GNAI3: variants seen among roughly 807,000 people sequenced by gnomAD.
GNAI3 encodes the protein guanine nucleotide-binding protein G(i) subunit alpha-3.
Under a neutral mutation model 41.8 loss-of-function variants are expected in GNAI3, and 12 were observed. The observed-to-expected ratio is 0.29, with a 90% CI of 0.18 to 0.47. The LOEUF is 0.47. GNAI3 is among the 20% of genes least tolerant of loss of function. The pLI is 1.00. For missense variants in GNAI3, 360 were observed against 429.6 expected (o/e 0.84, Z 1.43); for synonymous variants, 132 against 146.5 (o/e 0.90, Z 0.71).
At chr1:109,575,534 CTTTTTTTT>C (rs747890363) in intron 3 of GNAI3, among the ~76,000 whole-genome samples, 23 of 52,856 alleles carry the variant, frequency 4.4e-4, no homozygotes, top group Admixed American at 1.3e-3. Context: ...CCTTTCATTT[CTTTTTTTT>C]TTTTTTTTTT....
intron 1 of GNAI3, among the ~76,000 whole-genome samples, chr1:109,550,566 C>T (rs1647956590): frequency 6.6e-6 from 1 of 151,886 alleles, no homozygotes; most frequent in Admixed American, 6.6e-5. Context: ...CGGAGTCTCC[C>T]TCTGTTGCCT....
chr1:109,565,390 A>G lies in GNAI3; in HGVS notation c.119-8347A>G, dbSNP rs1442712707. On this transcript the variant is annotated intron_variant, in intron 1 of 8. Coordinates refer to ENST00000369851, the MANE Select transcript of GNAI3 (RefSeq NM_006496.4). ...GCAGGGGAGATAGGACAAGGGTTTG[A>G]GAGTAAGGTTAGAAGGGAGTGAGGC... 8.5e-5 allele frequency among the ~76,000 whole-genome samples: 13 copies of G among 152,158 alleles called. No homozygotes were observed. The East Asian group carries it at 2.5e-3, about 29-fold the overall frequency.
chr1:109,598,759 C>T lies in GNAI3; in HGVS notation c.*6437C>T, dbSNP rs1383506490. 2 of 383,968 alleles carry T rather than the reference C, an allele frequency of 5.2e-6. No individual in the cohort carries two copies. Among genetic ancestry groups the T allele is most frequent in the Admixed American group, 5.1e-5 (2 of 39,006 alleles). The allele number at this position is 383,968 out of a possible 1,614,324, so 23.8% of individuals were successfully genotyped here. On this transcript the variant is annotated 3_prime_UTR_variant, in exon 9 of 9. Coordinates refer to ENST00000369851, the MANE Select transcript of GNAI3 (RefSeq NM_006496.4). ...CATGGCAAAAAGACAGAAAAGTTCC[C>T]TTCTGCAGTCTCCAGTGTCTTCTGA...
rs1317085768 is a variant in GNAI3, at chr1:109,597,566, G to A, written c.*5244G>A. 6.6e-6 allele frequency: 1 copy of A among 151,374 alleles called. No homozygotes were observed. Among genetic ancestry groups the A allele is most frequent in the Non-Finnish European group, 1.5e-5 (1 of 67,954 alleles). 9.4% of individuals were successfully genotyped at this position (151,374 alleles called of 1,614,324 possible). On this transcript the variant is annotated 3_prime_UTR_variant, in exon 9 of 9. Transcript: ENST00000369851. The stretch of plus-strand genomic sequence containing the variant: ...GTGATCTATTTTTTGCCAATAAGAA[G>A]TACCATTTGTACATGACTTAAAGTG...
Position 109,600,113 on chromosome 1 carries a change from T to C in GNAI3, c.*7791T>C, listed in dbSNP as rs1649403441. ...ATGCCAGAAAATAGGGTTAAATATT[T>C]GTTTCTGATCTGGTTACAAAAAAAA... On this transcript the variant is annotated 3_prime_UTR_variant, in exon 9 of 9. Coordinates refer to ENST00000369851, the MANE Select transcript of GNAI3 (RefSeq NM_006496.4). 6.8e-6 allele frequency: 1 copy of C among 146,466 alleles called. No individual in the cohort carries two copies. Among genetic ancestry groups the C allele is most frequent in the South Asian group, 2.2e-4 (1 of 4,466 alleles). 9.1% of individuals were successfully genotyped at this position (146,466 alleles called of 1,614,324 possible).
At chr1:109,574,879 A>G (rs559400595) in intron 3 of GNAI3, among the ~76,000 whole-genome samples, 38 of 152,360 alleles carry the variant, frequency 2.5e-4, no homozygotes, top group African/African-American at 8.9e-4. Context: ...CAAAACCTAT[A>G]TGTCTATGAA....
rs1649308566 is a variant in GNAI3 at position 109,596,264 on chromosome 1, C to T, written c.*3942C>T. ...GTTTTTAAGATCATTTCTCTCCCTC[C>T]TTTCCCCCCAGTTTTCTCAACATTT... On this transcript the variant is annotated 3_prime_UTR_variant, in exon 9 of 9. Transcript: ENST00000369851. 2 of 152,252 alleles carry T rather than the reference C, an allele frequency of 1.3e-5. No individual in the cohort carries two copies. The highest frequency in any genetic ancestry group is 6.5e-5 in the Admixed American group (1 of 15,288). 9.4% of individuals were successfully genotyped at this position (152,252 alleles called of 1,614,324 possible).
intron 7 of GNAI3, among the ~76,000 whole-genome samples, chr1:109,587,189 A>AGGAGGATCATTTGAGCCC (rs1231318707): frequency 6.6e-6 from 1 of 152,166 alleles, no homozygotes; most frequent in Non-Finnish European, 1.5e-5. Flanking sequence ...AGCTTGAGGC[A>AGGAGGATCATTTGAGCCC]GGAGGATCAT....
chr1:109,578,253 C>G (rs966589725), intron 3 of GNAI3, among the ~76,000 whole-genome samples: 4 of 151,890 alleles, frequency 2.6e-5, no homozygotes, highest in Non-Finnish European at 4.4e-5. Context: ...AGTGGATCAC[C>G]TGAGGTCAGG....
chr1:109,567,162 G>C (rs976535912), intron 1 of GNAI3, among the ~76,000 whole-genome samples: 1 of 152,152 alleles, frequency 6.6e-6, no homozygotes, highest in African/African-American at 2.4e-5. Context: ...ATGGGGGCCC[G>C]TAGAAGAGAG....
chr1:109,580,263 G>T (rs1295470421), intron 4 of GNAI3, among the ~76,000 whole-genome samples: 1 of 152,140 alleles, frequency 6.6e-6, no homozygotes, highest in Admixed American at 6.5e-5. Context: ...CTCCCAAAGT[G>T]CTGGGATTAC....
chr1:109,595,191 A>G lies in GNAI3; in HGVS notation c.*2869A>G, dbSNP rs1319734079. On this transcript the variant is annotated 3_prime_UTR_variant, in exon 9 of 9. Coordinates refer to ENST00000369851, the MANE Select transcript of GNAI3 (RefSeq NM_006496.4). Reference sequence around the variant, plus strand: ...AATTCAGGTGCCTATGCTTTGGACCATCAAAGAAGCCATTAGTCTCTGTGT... The same window carrying G: ...AATTCAGGTGCCTATGCTTTGGACCGTCAAAGAAGCCATTAGTCTCTGTGT... 6.6e-6 allele frequency: 1 copy of G among 152,218 alleles called. No homozygotes were observed. Among genetic ancestry groups the G allele is most frequent in the Admixed American group, 6.5e-5 (1 of 15,290 alleles). The allele number at this position is 152,218 out of a possible 1,614,324, so 9.4% of individuals were successfully genotyped here. A position where few individuals can be genotyped will look rare whatever the true frequency, so the allele number is the denominator to read the frequency against.
intron 1 of GNAI3, among the ~76,000 whole-genome samples, chr1:109,571,476 C>G (rs1201184044): frequency 1.3e-5 from 2 of 152,170 alleles, no homozygotes; most frequent in African/African-American, 2.4e-5. Context: ...TCATTTATCT[C>G]ATCTGTAAAA....
At position 109,582,501 on chromosome 1, in the gene GNAI3, C is replaced by T. The variant is rs1005271218; in HGVS notation, c.526C>T (p.Arg176Trp). 18 of 1,597,166 alleles carry T rather than the reference C, an allele frequency of 1.1e-5. No individual in the cohort carries two copies. Among genetic ancestry groups the T allele is most frequent in the South Asian group, 1.1e-4 (10 of 90,746 alleles). The change falls in exon 5 of 9, where the codon CGG becomes TGG. Residue 176 changes from arginine (R) to tryptophan (W), a missense_variant. Physicochemically the swap from Arg to Trp is moderately radical, Grantham distance 101 (BLOSUM62 -3). Transcript: ENST00000369851. ...NYIPTQQDVL[R>W]TRVKTTGIVE... ...CATTCCAACTCAGCAAGATGTTCTT[C>T]GGACGAGAGTGAAGACCACAGGCAT... is the stretch of plus-strand genomic sequence containing the variant.
intron 1 of GNAI3, among the ~76,000 whole-genome samples, chr1:109,558,876 G>A (rs966273897): frequency 6.6e-6 from 1 of 151,916 alleles, no homozygotes; most frequent in Non-Finnish European, 1.5e-5. Flanking sequence ...AGGGATGCAG[G>A]TCTTCATAAT....
intron 1 of GNAI3, among the ~76,000 whole-genome samples, chr1:109,571,899 C>T (rs927928854): frequency 5.9e-5 from 9 of 151,726 alleles, no homozygotes; most frequent in African/African-American, 2.2e-4. Flanking sequence ...GCCTGGGTGA[C>T]AGAGCAAGAG....
At position 109,562,102 on chromosome 1, in the gene GNAI3, A is replaced by C. The variant is rs564902036; in HGVS notation, c.119-11635A>C. On this transcript the variant is annotated intron_variant, in intron 1 of 8. Coordinates refer to ENST00000369851, the MANE Select transcript of GNAI3 (RefSeq NM_006496.4). The stretch of plus-strand genomic sequence containing the variant: ...CTGTATTATGTATGTATGTGTATAT[A>C]TGAATATATGTGTGTATATATACAT... 2.0e-4 allele frequency among the ~76,000 whole-genome samples: 30 copies of C among 152,318 alleles called. 1 individual carries two copies. The highest frequency in any genetic ancestry group is 3.8e-4 in the Non-Finnish European group (26 of 68,030).
intron 1 of GNAI3, among the ~76,000 whole-genome samples, chr1:109,564,767 T>A (rs181440910): frequency 6.6e-6 from 1 of 152,290 alleles, no homozygotes; most frequent in African/African-American, 2.4e-5. Context: ...GGTAGCGAAG[T>A]AGGGATTTTT....
At chr1:109,591,340 G>A (rs553483613) in intron 7 of GNAI3, among the ~76,000 whole-genome samples, 15 of 151,612 alleles carry the variant, frequency 9.9e-5, no homozygotes, top group African/African-American at 3.6e-4. Context: ...ATCCCATAGC[G>A]TTTATTGCCA....
Sources: gnomAD v4.1 joint callset for allele counts (sites outside exome capture counted in the v4.1 genomes callset) on GRCh38, gnomAD v4.1.1 for gene constraint, MANE v1.5 for transcripts, NCBI Gene and HGNC (gene_info 2026-07-23, HGNC 2026-07-21) for gene names.